The following FHIP2B variants were observed in gnomAD, a reference collection of about 807,000 sequenced individuals.
FHIP2B encodes FHF complex subunit HOOK-interacting protein 2B.
Under a neutral mutation model 84.0 loss-of-function variants are expected in FHIP2B, and 72 were observed. That is an observed-to-expected ratio of 0.86 (90% CI 0.71 to 1.04). The LOEUF (loss-of-function observed/expected upper bound fraction) is 1.04. Among genes scored for constraint, FHIP2B ranks in the 50% least tolerant of loss-of-function variants. The pLI, the probability that FHIP2B is intolerant of heterozygous loss-of-function variation, is 0.00. For synonymous variants in FHIP2B, 497 were observed against 418.7 expected (o/e 1.19, Z -2.28); for missense variants, 972 against 968.9 (o/e 1.00, Z -0.04).
rs928072330 is a variant in FHIP2B, at chr8:22,103,913, C to T, written c.*982C>T. On this transcript the variant is annotated 3_prime_UTR_variant, in exon 17 of 17. Coordinates refer to ENST00000289921, the MANE Select transcript of FHIP2B (RefSeq NM_022749.7). Reference sequence around the variant, plus strand: ...TGCCCTCCGTGGCTGGGCTGCCACCCCACCCGGCCCGAATCTGTCTTGACC... The same window carrying T: ...TGCCCTCCGTGGCTGGGCTGCCACCTCACCCGGCCCGAATCTGTCTTGACC... The T allele has an allele frequency of 7.2e-5, 11 of 152,674 alleles. No homozygotes were observed. Among genetic ancestry groups the T allele is most frequent in the African/African-American group, 2.7e-4 (11 of 41,472 alleles). The allele number at this position is 152,674 out of a possible 1,614,324, so 9.5% of individuals were successfully genotyped here.
In FHIP2B at chr8:22,096,329, A is replaced by T. The variant is rs1305376000; in HGVS notation, c.125-8A>T. On this transcript the variant is annotated splice_polypyrimidine_tract_variant and splice_region_variant and intron_variant, in intron 2 of 16. Coordinates refer to ENST00000289921, the MANE Select transcript of FHIP2B (RefSeq NM_022749.7). ...CCCTACTCACCCTTGTTTCCCAAAC[A>T]TCATTAGATGAAAGCACCCCCGCCA... The T allele has an allele frequency of 4.5e-6, 7 of 1,543,058 alleles. No individual in the cohort carries two copies. In the South Asian group the frequency reaches 7.3e-5, roughly 16 times the overall value.
chr8:22,093,197 T>C (rs1586315683), intron 1 of FHIP2B, among the ~76,000 whole-genome samples: 1 of 152,190 alleles, frequency 6.6e-6, no homozygotes, highest in Non-Finnish European at 1.5e-5. Flanking sequence ...ACAGAGCACC[T>C]TGGGCAGAGG....
At chr8:22,099,499 G>A in intron 9 of FHIP2B, 139 bp downstream of exon 9, 2 of 1,119,510 alleles carry the variant, frequency 1.8e-6, no homozygotes, top group Non-Finnish European at 2.5e-6. Flanking sequence ...TGTTTGCCAG[G>A]CCTGCCCCAT....
rs1389864749 is a variant in FHIP2B at position 22,089,885 on chromosome 8, C to T, written c.45+587C>T. ...GACCCGGGGCAGGCTGGTGGGCCCC[C>T]AGCCGGGGAAATCGCCTTCTATTGG... On this transcript the variant is annotated intron_variant, in intron 1 of 16. Coordinates refer to ENST00000289921, the MANE Select transcript of FHIP2B (RefSeq NM_022749.7). 8 of 1,247,492 alleles carry T rather than the reference C, an allele frequency of 6.4e-6. No individual in the cohort carries two copies. The Middle Eastern group carries it at 6.5e-4, about 101-fold the overall frequency. 77.3% of individuals were successfully genotyped at this position (1,247,492 alleles called of 1,614,324 possible). A position where few individuals can be genotyped will look rare whatever the true frequency, so the allele number is the denominator to read the frequency against.
chr8:22,096,563 T>G (rs1042461846), intron 3 of FHIP2B, 54 bp downstream of exon 3: 2 of 1,442,634 alleles, frequency 1.4e-6, no homozygotes, highest in Non-Finnish European at 1.8e-6. Flanking sequence ...CTCTGCGCGC[T>G]TGGCCAGGCC....
Position 22,101,712 on chromosome 8 carries a change from A to G in FHIP2B, c.1712A>G (p.Gln571Arg). The G allele has an allele frequency of 1.2e-6, 2 of 1,610,488 alleles. No individual in the cohort carries two copies. Among genetic ancestry groups the G allele is most frequent in the Non-Finnish European group, 1.7e-6 (2 of 1,178,090 alleles). ...TYVHDAYGLF[Q>R]ECSSRVASWG... ...CTACTTTCCCGCCTGTCTCAGTTCC[A>G]GGAGTGCAGCTCCCGCGTCGCCTCC... Residue 571 changes from glutamine to arginine, a missense_variant, in exon 14 of 17, where the codon CAG becomes CGG. Physicochemically the swap from Gln to Arg is conservative, Grantham distance 43. Coordinates refer to ENST00000289921, the MANE Select transcript of FHIP2B (RefSeq NM_022749.7).
intron 3 of FHIP2B, 56 bp downstream of exon 3, chr8:22,096,565 G>C (rs1825781988): frequency 6.9e-7 from 1 of 1,446,412 alleles, no homozygotes; most frequent in Admixed American, 2.7e-5. Context: ...CTGCGCGCTT[G>C]GCCAGGCCGA....
intron 14 of FHIP2B, 55 bp downstream of exon 14, chr8:22,101,906 C>G (rs1826140280): frequency 1.3e-6 from 2 of 1,588,844 alleles, no homozygotes; most frequent in Non-Finnish European, 1.7e-6. Context: ...TGGGGTCCTT[C>G]AAGAGCAGAG....
chr8:22,098,565 T>C lies in FHIP2B; in HGVS notation c.911T>C (p.Met304Thr), dbSNP rs375925165. 6 of 1,609,618 alleles carry C rather than the reference T, an allele frequency of 3.7e-6. No individual in the cohort carries two copies. Among genetic ancestry groups the C allele is most frequent in the Non-Finnish European group, 5.1e-6 (6 of 1,178,248 alleles). The change falls in exon 7 of 17, where the codon ATG (methionine) becomes ACG (threonine). Residue 304 changes from methionine (M) to threonine (T), a missense_variant. Transcript: ENST00000289921. ...CACCTTTGCCAGTTGTACCGGTCCA[T>C]GCCTGTCTTCCTGGACCCCGCAGAC... Reference protein sequence around the residue: ...VRHLCQLYRSMPVFLDPADIA... With the variant: ...VRHLCQLYRSTPVFLDPADIA...
chr8:22,100,203 G>T (rs932441143), intron 10 of FHIP2B: 2 of 408,808 alleles, frequency 4.9e-6, no homozygotes, highest in Non-Finnish European at 8.6e-6. Flanking sequence ...TAAAGTGCTG[G>T]GACTGCAGGC....
intron 1 of FHIP2B, among the ~76,000 whole-genome samples, chr8:22,093,106 G>A (rs1825580754): frequency 6.6e-6 from 1 of 152,172 alleles, no homozygotes; most frequent in South Asian, 2.1e-4. Context: ...TGGGCAGGCA[G>A]GGACACTGGA....
chr8:22,099,318 A>G lies in FHIP2B; in HGVS notation c.1109A>G (p.Glu370Gly), dbSNP rs1825970143. ...GACGCCTTGGCGAAGGCTGTGGCTGAGAACTTCTTCGTGGAGACCCTGCAG... is the reference window on the plus strand; with the variant it reads ...GACGCCTTGGCGAAGGCTGTGGCTGGGAACTTCTTCGTGGAGACCCTGCAG... ...VADALAKAVA[E>G]NFFVETLQPQ... The change falls in exon 9 of 17, where the codon GAG becomes GGG. Residue 370 changes from glutamate (E) to glycine (G), a missense_variant. By Grantham distance (98) the Glu-to-Gly change is moderately conservative (BLOSUM62 -2). Coordinates refer to ENST00000289921, the MANE Select transcript of FHIP2B (RefSeq NM_022749.7). 1.2e-6 allele frequency: 2 copies of G among 1,613,684 alleles called. No homozygotes were observed. The highest frequency in any genetic ancestry group is 2.2e-5 in the East Asian group (1 of 44,896).
chr8:22,089,747 G>T, intron 1 of FHIP2B: 1 of 1,263,952 alleles, frequency 7.9e-7, no homozygotes, highest in Non-Finnish European at 1.0e-6. Context: ...CTTCCCCTCG[G>T]TCTGATCTCC....
In FHIP2B at chr8:22,097,865, G is replaced by C. The variant is rs377182092; in HGVS notation, c.525+26G>C. 161 of 1,608,360 alleles carry C rather than the reference G, an allele frequency of 1.0e-4. No homozygotes were observed. The South Asian group carries it at 1.5e-3, about 15-fold the overall frequency. ...GTGAGCACTCTGATCGGGAACAGGA[G>C]GGGGAGGGCCCAGAACCCCAGGGCA... is the stretch of plus-strand genomic sequence containing the variant. On this transcript the variant is annotated intron_variant, in intron 5 of 16. Coordinates refer to ENST00000289921, the MANE Select transcript of FHIP2B (RefSeq NM_022749.7).
Position 22,102,753 on chromosome 8 carries a change from G to GC in FHIP2B, c.2094-35dup, listed in dbSNP as rs1434318243. 1.9e-6 allele frequency: 3 copies of GC among 1,609,524 alleles called. No homozygotes were observed. In the African/African-American group the frequency reaches 4.0e-5, roughly 21 times the overall value. The stretch of plus-strand genomic sequence containing the variant: ...GGGCTGTCATGCTGGGCACAGTCCT[G>GC]CCCCCACCCAGCCATGCCCCCTGTG... On this transcript the variant is annotated intron_variant, in intron 16 of 16. Coordinates refer to ENST00000289921, the MANE Select transcript of FHIP2B (RefSeq NM_022749.7).
Position 22,098,253 on chromosome 8 carries a change from C to T in FHIP2B, c.711C>T (p.Asp237=), listed in dbSNP as rs372814624. The T allele has an allele frequency of 7.0e-5, 107 of 1,531,058 alleles. No individual in the cohort carries two copies. Among genetic ancestry groups the T allele is most frequent in the East Asian group, 4.6e-4 (18 of 39,276 alleles). 94.8% of individuals were successfully genotyped at this position (1,531,058 alleles called of 1,614,324 possible). The part of the protein sequence containing the change: ...SHMPAETEEL[D]GGTTESNLIT... ...TGCCTGCTGAGACCGAGGAGCTGGACGGTGGGACCACAGAGAGCAACCTGA... is the reference window on the plus strand; with the variant it reads ...TGCCTGCTGAGACCGAGGAGCTGGATGGTGGGACCACAGAGAGCAACCTGA... Residue 237 remains aspartate (D), a synonymous_variant, in exon 6 of 17, where the codon GAC becomes GAT. Transcript: ENST00000289921.
chr8:22,097,283 G>T (rs1051152554), intron 3 of FHIP2B, among the ~76,000 whole-genome samples: 1 of 151,942 alleles, frequency 6.6e-6, no homozygotes, highest in Non-Finnish European at 1.5e-5. Context: ...TGTTCCAGGT[G>T]GGGGACACAG....
rs190462850 is a variant in FHIP2B at position 22,097,523 on chromosome 8, C to T, written c.305C>T (p.Pro102Leu). ...LCTLGKAEYP[P>L]GMRQQVFQFF... Reference sequence around the variant, plus strand: ...CTCTGTCCCTGGCCTCAGTACCCCCCAGGCATGCGGCAGCAGGTGTTCCAG... The same window carrying T: ...CTCTGTCCCTGGCCTCAGTACCCCCTAGGCATGCGGCAGCAGGTGTTCCAG... The change falls in exon 4 of 17, where the codon CCA becomes CTA. Residue 102 changes from proline (P) to leucine (L), a missense_variant. Coordinates refer to ENST00000289921, the MANE Select transcript of FHIP2B (RefSeq NM_022749.7). 6.3e-4 allele frequency: 1,014 copies of T among 1,604,304 alleles called. 6 individuals are homozygous for T. The Middle Eastern group carries it at 0.012, about 18-fold the overall frequency.
Position 22,100,866 on chromosome 8 carries a change from T to C in FHIP2B, c.1510T>C (p.Phe504Leu), listed in dbSNP as rs746879558. The change falls in exon 12 of 17, where the codon TTC becomes CTC. Residue 504 changes from phenylalanine (F) to leucine (L), a missense_variant. Coordinates refer to ENST00000289921, the MANE Select transcript of FHIP2B (RefSeq NM_022749.7). ...DTLDLEEDPY[F>L]TDSFLDSGFQ... is the part of the protein sequence containing the mutation. Reference sequence around the variant, plus strand: ...CAGAGACCTGGAGGAAGACCCCTACTTCACCGACAGCTTCCTGGATTCCGG... The same window carrying C: ...CAGAGACCTGGAGGAAGACCCCTACCTCACCGACAGCTTCCTGGATTCCGG... The C allele has an allele frequency of 6.2e-7, 1 of 1,613,858 alleles. No homozygotes were observed. The highest frequency in any genetic ancestry group is 8.5e-7 in the Non-Finnish European group (1 of 1,179,880).
Sources: gnomAD v4.1 joint callset for allele counts (sites outside exome capture counted in the v4.1 genomes callset) on GRCh38, gnomAD v4.1.1 for gene constraint, MANE v1.5 for transcripts, NCBI Gene and HGNC (gene_info 2026-07-23, HGNC 2026-07-21) for gene names.